SMC6: variants seen among roughly 807,000 people sequenced by gnomAD.
SMC6 encodes the protein structural maintenance of chromosomes 6.
A neutral mutation model predicts 142.2 loss-of-function variants in SMC6; 79 were observed. The ratio of observed to expected loss-of-function variants is 0.56; its 90% CI spans 0.46 to 0.67. SMC6 has a LOEUF of 0.67. SMC6 is among the 30% of genes least tolerant of loss of function. The probability of loss-of-function intolerance (pLI) is 0.00; values close to 1 mark genes in which losing one functional copy is unlikely to be tolerated. For synonymous variants in SMC6, 411 were observed against 412.4 expected, an observed-to-expected ratio of 1.00 and a Z score of 0.04; for missense variants, 1,072 against 1,284.0, an observed-to-expected ratio of 0.83 and a Z score of 2.52.
At chr2:17,666,399 T>A in intron 27 of SMC6, 21 bp downstream of exon 27, 1 of 1,563,828 alleles carries the variant, frequency 6.4e-7, no homozygotes, top group Non-Finnish European at 8.8e-7. Context: ...GATATGTATC[T>A]AGAAAGTTTT....
chr2:17,684,613 C>A (rs1667368645), intron 23 of SMC6, among the ~76,000 whole-genome samples: 2 of 152,250 alleles, frequency 1.3e-5, no homozygotes, highest in East Asian at 3.9e-4. Flanking sequence ...CGTTTGAGTC[C>A]AGGAATTAGA....
intron 5 of SMC6, among the ~76,000 whole-genome samples, chr2:17,733,779 G>T (rs1351990037): frequency 2.0e-5 from 3 of 152,130 alleles, no homozygotes; most frequent in African/African-American, 7.2e-5. Context: ...ACTTAGGCAG[G>T]CTAATAAAAA....
intron 23 of SMC6, among the ~76,000 whole-genome samples, chr2:17,689,321 C>T (rs1300171633): frequency 2.6e-5 from 4 of 152,194 alleles, no homozygotes; most frequent in East Asian, 1.9e-4. Flanking sequence ...ATGAAATACA[C>T]GACCCTAGAC....
intron 17 of SMC6, among the ~76,000 whole-genome samples, chr2:17,708,363 C>CA (rs544343362): frequency 3.2e-4 from 49 of 151,772 alleles, no homozygotes; most frequent in Non-Finnish European, 5.6e-4. Flanking sequence ...CAAAAATGAA[C>CA]AAAAAAAGTT....
At chr2:17,726,862 G>A (rs1669654993) in intron 7 of SMC6, among the ~76,000 whole-genome samples, 1 of 152,176 alleles carries the variant, frequency 6.6e-6, no homozygotes, top group South Asian at 2.1e-4. Flanking sequence ...TAAGGAGTCA[G>A]TCACCTCGGG....
At chr2:17,700,032 G>T (rs1185457729) in intron 21 of SMC6, among the ~76,000 whole-genome samples, 176 bp downstream of exon 21, 1 of 151,840 alleles carries the variant, frequency 6.6e-6, no homozygotes, top group Non-Finnish European at 1.5e-5. Flanking sequence ...ATGAACAGAA[G>T]TGTTTAATAC....
At chr2:17,746,710 TC>T (rs1326246392) in intron 2 of SMC6, among the ~76,000 whole-genome samples, 1 of 152,196 alleles carries the variant, frequency 6.6e-6, no homozygotes, top group African/African-American at 2.4e-5. Flanking sequence ...ATACTGGATC[TC>T]CAGTCAAAGC....
chr2:17,683,595 AC>A, intron 24 of SMC6, 42 bp downstream of exon 24: 2 of 1,507,902 alleles, frequency 1.3e-6, no homozygotes, highest in Non-Finnish European at 1.8e-6. Flanking sequence ...ACAGAGAAAC[AC>A]AAAAATGTAT....
chr2:17,703,281 T>C lies in SMC6; in HGVS notation c.2018A>G (p.Asn673Ser). Residue 673 changes from asparagine (N) to serine (S), a missense_variant, in exon 19 of 28, where the codon AAT (asparagine) becomes AGT (serine). This residue lies in a region of SMC6 where 994 missense variants were observed against 1,153.2 expected (regional missense o/e 0.86). Coordinates refer to ENST00000448223, the MANE Select transcript of SMC6 (RefSeq NM_001142286.2). The part of the protein sequence containing the change: ...DVDSEISDLE[N>S]EVENKTAQIL... ...CTGGGCCGTCTTATTTTCAACCTCA[T>C]TCTCCAAGTCACTTGATAGGAAAGG... The C allele has an allele frequency of 6.2e-7, 1 of 1,600,788 alleles. No homozygotes were observed. Among genetic ancestry groups the C allele is most frequent in the Non-Finnish European group, 8.5e-7 (1 of 1,175,644 alleles).
At chr2:17,734,874 G>C (rs1193109696) in intron 5 of SMC6, among the ~76,000 whole-genome samples, 1 of 152,168 alleles carries the variant, frequency 6.6e-6, no homozygotes, top group Non-Finnish European at 1.5e-5. Flanking sequence ...TGAGATTACA[G>C]GCACCCACCA....
intron 2 of SMC6, among the ~76,000 whole-genome samples, chr2:17,746,600 A>C (rs1318109429): frequency 6.7e-6 from 1 of 149,666 alleles, no homozygotes; most frequent in Non-Finnish European, 1.5e-5. Flanking sequence ...CCTAAAAAAA[A>C]AGTCCAGGTT....
Position 17,718,265 on chromosome 2 carries a change from T to C in SMC6, c.946-42A>G, listed in dbSNP as rs763234957. On this transcript the variant is annotated intron_variant, in intron 11 of 27. Transcript: ENST00000448223. The stretch of plus-strand genomic sequence containing the variant: ...TTATTGAAGTATATTTTTTCTTCAA[T>C]AGAGAGAATTTTAAAAAATAATTAT... 2.8e-5 allele frequency: 39 copies of C among 1,414,810 alleles called. 2 individuals are homozygous for C. The South Asian group carries it at 5.3e-4, about 19-fold the overall frequency. 87.6% of individuals were successfully genotyped at this position (1,414,810 alleles called of 1,614,324 possible).
chr2:17,665,542 G>A lies in SMC6; in HGVS notation c.3233C>T (p.Pro1078Leu). 2.5e-6 allele frequency: 4 copies of A among 1,611,364 alleles called. No individual in the cohort carries two copies. Among genetic ancestry groups the A allele is most frequent in the African/African-American group, 1.3e-5 (1 of 74,938 alleles). Reference sequence around the variant, plus strand: ...TTCTTCTTGAGTCACAGGTCTGAAAGGCAATGTAGTTTGTCCTCTTTCAGG... The same window carrying A: ...TTCTTCTTGAGTCACAGGTCTGAAAAGCAATGTAGTTTGTCCTCTTTCAGG... ...SDPERGQTTLPFRPVTQEEDD... is the reference protein window; with the variant it reads ...SDPERGQTTLLFRPVTQEEDD... Residue 1078 changes from proline (P) to leucine (L), a missense_variant, in exon 28 of 28, where the codon CCT becomes CTT. Pro to Leu is a moderately conservative substitution (Grantham distance 98). Transcript: ENST00000448223.
rs563771154 is a variant in SMC6 at position 17,743,405 on chromosome 2, CCTAA to C, written c.121-1680_121-1677del. 2.4e-3 allele frequency among the ~76,000 whole-genome samples: 359 copies of C among 150,898 alleles called. 2 individuals carry two copies. Among genetic ancestry groups the C allele is most frequent in the African/African-American group, 6.9e-3 (278 of 40,352 alleles). On this transcript the variant is annotated intron_variant, in intron 3 of 27. Transcript: ENST00000448223. ...CTGTACATATTTTGCTAGCTTTAGA[CCTAA>C]CTATTTCATTTTTTAATACTTAATT...
intron 24 of SMC6, chr2:17,680,298 CA>C (rs1667183508): frequency 6.6e-6 from 1 of 152,276 alleles, no homozygotes; most frequent in Non-Finnish European, 1.5e-5. Context: ...CAGACTACCA[CA>C]AAAAAGGCGA....
chr2:17,735,474 T>A (rs573250061), intron 5 of SMC6, among the ~76,000 whole-genome samples: 1 of 152,306 alleles, frequency 6.6e-6, no homozygotes, highest in Admixed American at 6.5e-5. Context: ...AAGTTCTGTA[T>A]CCCTGACTAA....
intron 21 of SMC6, among the ~76,000 whole-genome samples, chr2:17,699,478 A>G (rs1249310264): frequency 1.3e-5 from 2 of 152,068 alleles, no homozygotes; most frequent in Non-Finnish European, 2.9e-5. Flanking sequence ...CTGTAAGTTT[A>G]TGCTTTTTGC....
chr2:17,708,317 T>A (rs923297578), intron 17 of SMC6, among the ~76,000 whole-genome samples: 4 of 152,030 alleles, frequency 2.6e-5, no homozygotes, highest in Non-Finnish European at 4.4e-5. Context: ...TACAGATATC[T>A]GTAAGGGCAA....
At chr2:17,712,077 T>G (rs577693033) in intron 16 of SMC6, among the ~76,000 whole-genome samples, 3 of 151,786 alleles carry the variant, frequency 2.0e-5, no homozygotes, top group African/African-American at 7.3e-5. Context: ...ACCAAGAAAA[T>G]GGTGTCATAG....
Sources: gnomAD v4.1 joint callset for allele counts (sites outside exome capture counted in the v4.1 genomes callset) on GRCh38, gnomAD v4.1.1 for gene constraint, gnomAD v4.1.1 regional missense constraint, MANE v1.5 for transcripts, NCBI Gene and HGNC (gene_info 2026-07-23, HGNC 2026-07-21) for gene names.